Variants in NSMCE2 observed in about 807,000 individuals in gnomAD.
The protein encoded by NSMCE2 is NSE2 SUMO ligase component of SMC5/6 complex.
A neutral mutation model predicts 23.8 loss-of-function variants in NSMCE2; 24 were observed. That is an observed-to-expected ratio of 1.01 (90% CI 0.73 to 1.42). The LOEUF (loss-of-function observed/expected upper bound fraction) is 1.42, where lower values mean the gene tolerates loss of function less well. Among genes scored for constraint, NSMCE2 ranks in the 40% most tolerant of loss-of-function variants. The pLI, the probability that NSMCE2 is intolerant of heterozygous loss-of-function variation, is 0.00. For missense variants in NSMCE2, 284 were observed against 296.5 expected (o/e 0.96, Z 0.31); for synonymous variants, 92 against 94.1 (o/e 0.98, Z 0.13).
At chr8:125,095,194 T>C (rs1413394247) in intron 1 of NSMCE2, among the ~76,000 whole-genome samples, 2 of 152,210 alleles carry the variant, frequency 1.3e-5, no homozygotes, top group African/African-American at 2.4e-5. Context: ...CCTATCATAT[T>C]GGACAGTGCA....
At chr8:125,196,641 G>T (rs1823636529) in intron 5 of NSMCE2, among the ~76,000 whole-genome samples, 1 of 152,188 alleles carries the variant, frequency 6.6e-6, no homozygotes, top group Non-Finnish European at 1.5e-5. Flanking sequence ...TTGCTATTGT[G>T]AATAGTGCCA....
chr8:125,106,033 C>CGT (rs915726446), intron 3 of NSMCE2, among the ~76,000 whole-genome samples: 4 of 129,274 alleles, frequency 3.1e-5, no homozygotes, highest in African/African-American at 1.4e-4. Context: ...TGAATACATG[C>CGT]GTGTGTGTGT....
chr8:125,229,320 C>G (rs915755101), intron 5 of NSMCE2, among the ~76,000 whole-genome samples: 1 of 152,132 alleles, frequency 6.6e-6, no homozygotes. Flanking sequence ...ACATTAGATT[C>G]GTAGTCTCAA....
intron 7 of NSMCE2, 60 bp from the exon 8 acceptor site, chr8:125,366,708 A>C (rs756497856): frequency 8.5e-6 from 8 of 942,966 alleles, no homozygotes; most frequent in Non-Finnish European, 1.4e-5. Context: ...CTTGAGTATA[A>C]AAGAAGTTTC....
chr8:125,193,367 G>A (rs983436015), intron 5 of NSMCE2, among the ~76,000 whole-genome samples: 1 of 152,098 alleles, frequency 6.6e-6, no homozygotes, highest in African/African-American at 2.4e-5. Context: ...CTAATAATAA[G>A]AGACAACACA....
chr8:125,176,812 T>C (rs1822521145), intron 4 of NSMCE2, among the ~76,000 whole-genome samples: 1 of 152,252 alleles, frequency 6.6e-6, no homozygotes, highest in Non-Finnish European at 1.5e-5. Flanking sequence ...CCTTCTTACC[T>C]GGCAGCAGAC....
chr8:125,249,604 T>C (rs1826124572), intron 5 of NSMCE2, among the ~76,000 whole-genome samples: 1 of 152,160 alleles, frequency 6.6e-6, no homozygotes, highest in Non-Finnish European at 1.5e-5. Flanking sequence ...TTAGAGCTGG[T>C]TTTTCTCCAT....
At chr8:125,366,527 A>G (rs1021435980) in intron 7 of NSMCE2, among the ~76,000 whole-genome samples, 1 of 152,094 alleles carries the variant, frequency 6.6e-6, no homozygotes, top group African/African-American at 2.4e-5. Flanking sequence ...GTCTCAGAAA[A>G]AAAAAAGAAA....
At chr8:125,286,315 AT>A (rs57559309) in intron 5 of NSMCE2, among the ~76,000 whole-genome samples, 77,687 of 148,212 alleles carry the variant, frequency 0.52, 22,173 homozygotes, top group Non-Finnish European at 0.63. Flanking sequence ...CCTTTTATTT[AT>A]TTTTTTTTTT....
chr8:125,228,776 C>T (rs1235399759), intron 5 of NSMCE2, among the ~76,000 whole-genome samples: 2 of 152,158 alleles, frequency 1.3e-5, no homozygotes, highest in Non-Finnish European at 2.9e-5. Flanking sequence ...TCAATTCATA[C>T]GTGCCTGGCT....
chr8:125,286,311 A>AT (rs369845619), intron 5 of NSMCE2, among the ~76,000 whole-genome samples: 10,993 of 98,704 alleles, frequency 0.11, 537 homozygotes, highest in African/African-American at 0.13. Context: ...AATACCTTTT[A>AT]TTTATTTTTT....
intron 4 of NSMCE2, among the ~76,000 whole-genome samples, chr8:125,156,717 C>A (rs1175904423): frequency 6.6e-6 from 1 of 152,094 alleles, no homozygotes; most frequent in African/African-American, 2.4e-5. Flanking sequence ...CTATTGAAAC[C>A]AAAGCAATCT....
intron 5 of NSMCE2, among the ~76,000 whole-genome samples, chr8:125,325,832 A>T (rs1586772006): frequency 6.6e-6 from 1 of 152,200 alleles, no homozygotes; most frequent in Admixed American, 6.5e-5. Context: ...GGCACCTGTC[A>T]TCCCAGCTAC....
chr8:125,340,014 T>TTG (rs1554640786), intron 5 of NSMCE2, among the ~76,000 whole-genome samples: 1 of 117,994 alleles, frequency 8.5e-6, no homozygotes, highest in Non-Finnish European at 1.9e-5. Flanking sequence ...TTTTTTTTGT[T>TTG]TTTTTTTTTT....
At chr8:125,169,445 G>A (rs549947556) in intron 4 of NSMCE2, among the ~76,000 whole-genome samples, 1 of 152,234 alleles carries the variant, frequency 6.6e-6, no homozygotes, top group East Asian at 1.9e-4. Context: ...CCACAGTGAC[G>A]TTTTCCCCAT....
chr8:125,202,868 G>A (rs1472453935), intron 5 of NSMCE2, among the ~76,000 whole-genome samples: 1 of 152,132 alleles, frequency 6.6e-6, no homozygotes, highest in Non-Finnish European at 1.5e-5. Context: ...AAGTAGTTAA[G>A]GAATGTTCTG....
At chr8:125,141,732 C>T (rs2130626008) in intron 3 of NSMCE2, among the ~76,000 whole-genome samples, 1 of 152,258 alleles carries the variant, frequency 6.6e-6, no homozygotes, top group Non-Finnish European at 1.5e-5. Flanking sequence ...TTTGTTTAGC[C>T]TCTACCCCAG....
chr8:125,213,739 T>TCCTTATTTCCTTCCTTCCTC (rs1824459774), intron 5 of NSMCE2, among the ~76,000 whole-genome samples: 1 of 150,542 alleles, frequency 6.6e-6, no homozygotes, highest in Non-Finnish European at 1.5e-5. Context: ...CTTCCTTCCT[T>TCCTTATTTCCTTCCTTCCTC]CCTTCCTTCA....
rs1446419349 is a variant in NSMCE2 at position 125,324,863 on chromosome 8, C to T, written c.419-32356C>T. 7.4e-5 allele frequency among the ~76,000 whole-genome samples: 11 copies of T among 148,668 alleles called. 3 individuals carry two copies. Among genetic ancestry groups the T allele is most frequent in the African/African-American group, 1.2e-4 (5 of 41,120 alleles). On this transcript the variant is annotated intron_variant, in intron 5 of 7. Coordinates refer to ENST00000287437, the MANE Select transcript of NSMCE2 (RefSeq NM_173685.4). ...TGCTGGGATTACAGGCATGAGCCAC[C>T]GCGCCCGGCCCATTTTGATAAAATT...
Sources: allele counts gnomAD v4.1 joint callset (sites outside exome capture counted in the v4.1 genomes callset), GRCh38; gene constraint gnomAD v4.1.1; transcripts MANE v1.5; gene names NCBI Gene and HGNC (gene_info 2026-07-23, HGNC 2026-07-21).